ZFAND3: variants seen among roughly 807,000 people sequenced by gnomAD.
ZFAND3 encodes the protein zinc finger AN1-type containing 3, also known as AN1-type zinc finger protein 3.
In ZFAND3, 10 loss-of-function variants were observed where a neutral mutation model predicts 29.6. That is an observed-to-expected ratio of 0.34 (90% CI 0.21 to 0.57). The LOEUF is 0.57. Ranked by LOEUF, ZFAND3 falls within the 20% of genes least tolerant of loss-of-function variation. The pLI is 0.86. For missense variants in ZFAND3, 230 were observed against 304.5 expected, an observed-to-expected ratio of 0.76 and a Z score of 1.82; for synonymous variants, 128 against 112.6, an observed-to-expected ratio of 1.14 and a Z score of -0.87.
chr6:38,065,172 C>T (rs1814130), intron 3 of ZFAND3, among the ~76,000 whole-genome samples: 41,013 of 151,838 alleles, frequency 0.27, 6,717 homozygotes, highest in Admixed American at 0.4. Context: ...AAAAATTAGC[C>T]GAGCATGGTA....
intron 1 of ZFAND3, among the ~76,000 whole-genome samples, chr6:37,849,378 T>A (rs1764241354): frequency 6.6e-6 from 1 of 152,214 alleles, no homozygotes; most frequent in African/African-American, 2.4e-5. Flanking sequence ...TATAATAGTT[T>A]GTGCTTGTGC....
chr6:38,088,438 G>A (rs1764799665), intron 4 of ZFAND3: 1 of 152,160 alleles, frequency 6.6e-6, no homozygotes, highest in Non-Finnish European at 1.5e-5. Flanking sequence ...TGGTTGATGG[G>A]TACCAAAAAA....
chr6:38,008,510 A>G (rs904908446), intron 2 of ZFAND3, among the ~76,000 whole-genome samples: 1 of 151,962 alleles, frequency 6.6e-6, no homozygotes, highest in East Asian at 1.9e-4. Context: ...GAAGTAATCT[A>G]CTCCACCCCT....
At chr6:37,965,402 GT>G (rs1391301175) in intron 2 of ZFAND3, among the ~76,000 whole-genome samples, 1 of 152,134 alleles carries the variant, frequency 6.6e-6, no homozygotes, top group Non-Finnish European at 1.5e-5. Context: ...GCGCACACAT[GT>G]AATTGGGGAA....
chr6:37,992,471 G>A (rs1218824798), intron 2 of ZFAND3, among the ~76,000 whole-genome samples: 1 of 152,090 alleles, frequency 6.6e-6, no homozygotes, highest in Admixed American at 6.6e-5. Flanking sequence ...CACTGAGACT[G>A]AGCAGTTACT....
chr6:38,090,973 A>G (rs1764855829), intron 4 of ZFAND3, among the ~76,000 whole-genome samples: 1 of 152,310 alleles, frequency 6.6e-6, no homozygotes, highest in Non-Finnish European at 1.5e-5. Flanking sequence ...TCAGTTTGCT[A>G]TACTTAAAGT....
intron 1 of ZFAND3, among the ~76,000 whole-genome samples, chr6:37,903,767 A>T (rs978837172): frequency 3.3e-5 from 5 of 152,380 alleles, no homozygotes; most frequent in Admixed American, 3.3e-4. Flanking sequence ...CTTGCTTTTT[A>T]AAAATTGTTT....
intron 2 of ZFAND3, among the ~76,000 whole-genome samples, chr6:37,943,722 T>C (rs1472375722): frequency 6.6e-6 from 1 of 152,204 alleles, no homozygotes; most frequent in African/African-American, 2.4e-5. Flanking sequence ...GTGATATTAG[T>C]AAATGATGAT....
At chr6:38,098,013 A>G (rs1000204391) in intron 4 of ZFAND3, among the ~76,000 whole-genome samples, 1 of 152,122 alleles carries the variant, frequency 6.6e-6, no homozygotes. Flanking sequence ...TGAGAATTAT[A>G]ATTGGGAAAA....
At chr6:37,910,299 T>C (rs1765496324) in intron 1 of ZFAND3, among the ~76,000 whole-genome samples, 1 of 151,850 alleles carries the variant, frequency 6.6e-6, no homozygotes, top group Non-Finnish European at 1.5e-5. Context: ...CATACTAGTT[T>C]AAAATGATTA....
intron 2 of ZFAND3, among the ~76,000 whole-genome samples, chr6:37,938,563 C>T (rs1581777468): frequency 6.6e-6 from 1 of 152,194 alleles, no homozygotes; most frequent in Non-Finnish European, 1.5e-5. Flanking sequence ...AAACTCTGTT[C>T]TTTATGGTGT....
chr6:37,912,740 T>G (rs1765544942), intron 1 of ZFAND3, among the ~76,000 whole-genome samples: 1 of 152,236 alleles, frequency 6.6e-6, no homozygotes, highest in Non-Finnish European at 1.5e-5. Context: ...AGAAATGTTC[T>G]GAGTGAGAAA....
Position 37,833,824 on chromosome 6 carries a change from C to CAA in ZFAND3, c.71+13826_71+13827dup, listed in dbSNP as rs55733520. 9.9e-3 allele frequency among the ~76,000 whole-genome samples: 669 copies of CAA among 67,866 alleles called. 13 individuals are homozygous for CAA. The highest frequency in any genetic ancestry group is 0.023 in the Middle Eastern group (3 of 130). 44.5% of individuals were successfully genotyped at this position (67,866 alleles called of 152,430 possible). A position where few individuals can be genotyped will look rare whatever the true frequency, so the allele number is the denominator to read the frequency against. On this transcript the variant is annotated intron_variant, in intron 1 of 5. Coordinates refer to ENST00000287218, the MANE Select transcript of ZFAND3 (RefSeq NM_021943.3). ...CCTGGGCGACAGAGTGACACTGTCT[C>CAA]AAAAAAAAAAAAAAAAAAAGGACTT...
At chr6:38,101,611 T>C (rs926499861) in intron 4 of ZFAND3, among the ~76,000 whole-genome samples, 2 of 151,560 alleles carry the variant, frequency 1.3e-5, no homozygotes, top group African/African-American at 4.8e-5. Context: ...CCATCTCTAC[T>C]AAAAATACAA....
chr6:37,856,032 T>C (rs974054140), intron 1 of ZFAND3, among the ~76,000 whole-genome samples: 7 of 152,078 alleles, frequency 4.6e-5, no homozygotes, highest in Non-Finnish European at 7.4e-5. Context: ...TCTTCTTCTT[T>C]TTTTATTTTT....
At position 37,826,637 on chromosome 6, in the gene ZFAND3, C is replaced by T. The variant is rs563845865; in HGVS notation, c.71+6621C>T. Among the ~76,000 whole-genome samples the T allele has an allele frequency of 3.9e-5, 6 of 151,962 alleles. No individual in the cohort carries two copies. The South Asian group carries it at 1.0e-3, about 26-fold the overall frequency. Reference sequence around the variant, plus strand: ...AGGTGGTGGCATGCTCCTGTAGTCTCAGCTACTTGGGAGGCTGAGGCAGTA... The same window carrying T: ...AGGTGGTGGCATGCTCCTGTAGTCTTAGCTACTTGGGAGGCTGAGGCAGTA... On this transcript the variant is annotated intron_variant, in intron 1 of 5. Transcript: ENST00000287218.
chr6:37,976,169 G>A (rs1762474378), intron 2 of ZFAND3, among the ~76,000 whole-genome samples: 1 of 152,032 alleles, frequency 6.6e-6, no homozygotes, highest in South Asian at 2.1e-4. Flanking sequence ...AGTATGTGAT[G>A]GTTCATATAT....
At chr6:38,012,789 C>T (rs981555257) in intron 2 of ZFAND3, among the ~76,000 whole-genome samples, 9 of 152,260 alleles carry the variant, frequency 5.9e-5, no homozygotes, top group South Asian at 2.1e-4. Context: ...GCATCAGCCT[C>T]GGCCACCCTC....
chr6:37,980,370 C>T (rs1762558984), intron 2 of ZFAND3, among the ~76,000 whole-genome samples: 1 of 152,150 alleles, frequency 6.6e-6, no homozygotes, highest in South Asian at 2.1e-4. Flanking sequence ...CCTATTTGGC[C>T]TCTTGGCTTG....
Sources: allele counts gnomAD v4.1 joint callset (sites outside exome capture counted in the v4.1 genomes callset), GRCh38; gene constraint gnomAD v4.1.1; transcripts MANE v1.5; gene names NCBI Gene and HGNC (gene_info 2026-07-23, HGNC 2026-07-21).